The following CFAP44 variants were observed in gnomAD, a reference collection of about 807,000 sequenced individuals.
CFAP44 encodes the protein cilia- and flagella-associated protein 44.
In CFAP44, 134 loss-of-function variants were observed where a neutral mutation model predicts 216.2. The observed-to-expected ratio is 0.62, with a 90% CI of 0.54 to 0.72. The LOEUF (loss-of-function observed/expected upper bound fraction) is 0.72, where lower values mean the gene tolerates loss of function less well. Ranked by LOEUF, CFAP44 falls within the 30% of genes least tolerant of loss-of-function variation. The pLI is 0.00. For synonymous variants in CFAP44, 700 were observed against 727.6 expected, an observed-to-expected ratio of 0.96 and a Z score of 0.61; for missense variants, 2,035 against 2,182.1, an observed-to-expected ratio of 0.93 and a Z score of 1.34.
intron 28 of CFAP44, among the ~76,000 whole-genome samples, chr3:113,320,458 CTATATATCATATATGATA>C (rs1950133890): frequency 1.1e-5 from 1 of 94,024 alleles, no homozygotes; most frequent in Non-Finnish European, 2.3e-5. Flanking sequence ...TATATTACAT[CTATATATCATATATGATA>C]TATATGATAT....
intron 15 of CFAP44, among the ~76,000 whole-genome samples, chr3:113,395,221 C>T (rs919093892): frequency 1.3e-5 from 2 of 152,096 alleles, no homozygotes; most frequent in Non-Finnish European, 2.9e-5. Flanking sequence ...CATATGCTCA[C>T]ATTTAGTAAA....
At chr3:113,383,667 A>C in intron 15 of CFAP44, among the ~76,000 whole-genome samples, 1 of 152,216 alleles carries the variant, frequency 6.6e-6, no homozygotes, top group East Asian at 1.9e-4. Flanking sequence ...GTCGTGAAAG[A>C]ACTACTTGGA....
intron 6 of CFAP44, among the ~76,000 whole-genome samples, chr3:113,415,571 CT>C (rs1262445347): frequency 6.6e-6 from 1 of 152,050 alleles, no homozygotes. Flanking sequence ...TCTCTTTGTT[CT>C]CATTGGTTTC....
At chr3:113,303,880 A>G in intron 32 of CFAP44, 36 bp downstream of exon 32, 1 of 1,533,324 alleles carries the variant, frequency 6.5e-7, no homozygotes, top group Middle Eastern at 1.7e-4. Context: ...CTTACCAATA[A>G]ACCTTACTAG....
intron 15 of CFAP44, among the ~76,000 whole-genome samples, chr3:113,381,345 T>C (rs1280892344): frequency 1.3e-5 from 2 of 152,200 alleles, no homozygotes; most frequent in South Asian, 2.1e-4. Flanking sequence ...GTGATTCATA[T>C]ATGTTTTCTG....
At chr3:113,383,519 G>A (rs540821880) in intron 15 of CFAP44, among the ~76,000 whole-genome samples, 1 of 152,222 alleles carries the variant, frequency 6.6e-6, no homozygotes, top group East Asian at 1.9e-4. Flanking sequence ...GGAGTGTCAG[G>A]AGGAGCATAA....
chr3:113,396,445 T>C, intron 14 of CFAP44, 73 bp downstream of exon 14: 1 of 1,456,478 alleles, frequency 6.9e-7, no homozygotes, highest in East Asian at 2.3e-5. Context: ...TAAGACATGA[T>C]GAAGTAGGAG....
intron 28 of CFAP44, among the ~76,000 whole-genome samples, chr3:113,315,366 T>A (rs1165165876): frequency 6.6e-6 from 1 of 152,138 alleles, no homozygotes; most frequent in Non-Finnish European, 1.5e-5. Flanking sequence ...AAATGTCAAT[T>A]TACCAAGACG....
chr3:113,380,860 G>A (rs750276806), intron 16 of CFAP44, 39 bp downstream of exon 16: 21 of 1,461,230 alleles, frequency 1.4e-5, no homozygotes, highest in Non-Finnish European at 1.6e-5. Flanking sequence ...CTAAGGAAAG[G>A]AAATTATTAT....
intron 13 of CFAP44, chr3:113,397,423 AAG>A (rs1323208491): frequency 1.3e-5 from 2 of 152,316 alleles, no homozygotes; most frequent in African/African-American, 4.8e-5. Flanking sequence ...ACAATAAGAA[AAG>A]CCTTCATCCC....
At position 113,400,621 on chromosome 3, in the gene CFAP44, G is replaced by C. The variant is rs781516982; in HGVS notation, c.1398C>G (p.Phe466Leu). The C allele has an allele frequency of 1.1e-5, 18 of 1,610,748 alleles. No homozygotes were observed. The East Asian group carries it at 3.8e-4, about 34-fold the overall frequency. ...SNITQDPECL[F>L]SFHSGAIEAV... ...CTTCAATAGCTCCAGAATGGAAGGA[G>C]AAGAGGCATTCTGGGTCCTGGGTCT... Residue 466 changes from phenylalanine (F) to leucine (L), a missense_variant, in exon 12 of 35, where the codon TTC (phenylalanine) becomes TTG (leucine). This residue lies in a region of CFAP44 where 1,883 missense variants were observed against 2,023.7 expected (regional missense o/e 0.93). Coordinates refer to ENST00000393845, the MANE Select transcript of CFAP44 (RefSeq NM_001164496.2).
chr3:113,358,593 C>T (rs1280669184), intron 22 of CFAP44, among the ~76,000 whole-genome samples, 152 bp downstream of exon 22: 1 of 152,142 alleles, frequency 6.6e-6, no homozygotes, highest in Non-Finnish European at 1.5e-5. Context: ...AGGAAAATAT[C>T]AGTAGCAGTG....
At chr3:113,334,192 C>T (rs576491200) in intron 24 of CFAP44, among the ~76,000 whole-genome samples, 6 of 152,226 alleles carry the variant, frequency 3.9e-5, no homozygotes, top group South Asian at 2.1e-4. Context: ...CTTCATGATC[C>T]GCCCACCTCA....
intron 19 of CFAP44, among the ~76,000 whole-genome samples, chr3:113,364,566 C>T (rs998839890): frequency 1.3e-5 from 2 of 152,086 alleles, no homozygotes; most frequent in African/African-American, 4.8e-5. Flanking sequence ...TTGGCCAGAG[C>T]TAAGTACCTT....
At chr3:113,362,790 G>T in intron 21 of CFAP44, 1 of 748,130 alleles carries the variant, frequency 1.3e-6, no homozygotes, top group Non-Finnish European at 1.7e-6. Context: ...GCCACCGGAC[G>T]CTTCAGGCCA....
Position 113,380,918 on chromosome 3 carries a change from C to A in CFAP44, c.2033G>T (p.Ser678Ile). The change falls in exon 16 of 35, where the codon AGT (serine) becomes ATT (isoleucine). Residue 678 changes from serine to isoleucine, a missense_variant. Ser to Ile is a moderately radical substitution (Grantham distance 142). Transcript: ENST00000393845. ...CCATACCAGAATCTTAGATTTGACACTTGAAAAATGGAAACATTTTATGCA... is the reference window on the plus strand; with the variant it reads ...CCATACCAGAATCTTAGATTTGACAATTGAAAAATGGAAACATTTTATGCA... Reference protein sequence around the residue: ...DMCIKCFHFSSVKSKILRLIE... With the variant: ...DMCIKCFHFSIVKSKILRLIE... 9 of 1,582,198 alleles carry A rather than the reference C, an allele frequency of 5.7e-6. No individual in the cohort carries two copies. The highest frequency in any genetic ancestry group is 7.7e-6 in the Non-Finnish European group (9 of 1,166,442).
In CFAP44 at chr3:113,367,178, G is replaced by T. The variant is rs570942050; in HGVS notation, c.2445-869C>A. Among the ~76,000 whole-genome samples, 39 of 152,316 alleles carry T rather than the reference G, an allele frequency of 2.6e-4. No individual in the cohort carries two copies. In the East Asian group the frequency reaches 6.7e-3, roughly 26 times the overall value. ...GCAGACAACTTCTGCAGACTTAAAC[G>T]TTCTTGTCTGACAGCTCTGAAGAGA... is the stretch of plus-strand genomic sequence containing the variant. On this transcript the variant is annotated intron_variant, in intron 18 of 34. Transcript: ENST00000393845.
intron 32 of CFAP44, among the ~76,000 whole-genome samples, chr3:113,302,040 C>CCTCTTA (rs1949940388): frequency 6.6e-6 from 1 of 152,208 alleles, no homozygotes; most frequent in African/African-American, 2.4e-5. Flanking sequence ...TCTTTCTGTG[C>CCTCTTA]CTCTTATTTC....
rs564859547 is a variant in CFAP44, at chr3:113,311,649, G to A, written c.4517-3381C>T. ...TAAATTGGAACCAGTAGAGTGGGGC[G>A]CTGTTGAACAGATATCCAAAAATAT... On this transcript the variant is annotated intron_variant, in intron 28 of 34. Coordinates refer to ENST00000393845, the MANE Select transcript of CFAP44 (RefSeq NM_001164496.2). Among the ~76,000 whole-genome samples, 16 of 152,232 alleles carry A rather than the reference G, an allele frequency of 1.1e-4. 1 individual carries two copies. In the East Asian group the frequency reaches 1.7e-3, roughly 17 times the overall value.
Sources: gnomAD v4.1 joint callset for allele counts (sites outside exome capture counted in the v4.1 genomes callset) on GRCh38, gnomAD v4.1.1 for gene constraint, gnomAD v4.1.1 regional missense constraint, MANE v1.5 for transcripts, NCBI Gene and HGNC (gene_info 2026-07-23, HGNC 2026-07-21) for gene names.